The following NUP210L variants were observed in gnomAD, a reference collection of about 807,000 sequenced individuals.
NUP210L encodes nuclear pore membrane glycoprotein 210-like.
NUP210L carries 74 observed loss-of-function variants against 208.5 expected under a neutral mutation model. The observed-to-expected ratio is 0.35, with a 90% CI of 0.29 to 0.43. The LOEUF (loss-of-function observed/expected upper bound fraction) is 0.43, where lower values mean the gene tolerates loss of function less well. Among genes scored for constraint, NUP210L ranks in the 20% least tolerant of loss-of-function variants. The probability of loss-of-function intolerance (pLI) is 1.00; values close to 1 mark genes in which losing one functional copy is unlikely to be tolerated. For missense variants in NUP210L, 1,843 were observed against 2,289.4 expected (o/e 0.81, Z 3.98); for synonymous variants, 780 against 816.9 (o/e 0.95, Z 0.77).
At chr1:153,996,047 T>C (rs947428709) in intron 37 of NUP210L, 32 of 339,714 alleles carry the variant, frequency 9.4e-5, no homozygotes, top group Admixed American at 3.4e-4. Flanking sequence ...AATCCCAGCA[T>C]TTTGGGAGGC....
rs1415591720 is a variant in NUP210L at position 154,118,813 on chromosome 1, A to C, written c.1327-5T>G. 18 of 1,535,222 alleles carry C rather than the reference A, an allele frequency of 1.2e-5. No homozygotes were observed. Among genetic ancestry groups the C allele is most frequent in the Non-Finnish European group, 1.4e-5 (16 of 1,117,470 alleles). On this transcript the variant is annotated splice_region_variant and splice_polypyrimidine_tract_variant and intron_variant, in intron 10 of 39. Transcript: ENST00000368559. ...TATAGGCTGAATATCTTTATTCTATAAGAGCAGGAAAAAAGGAGCAAAATA... is the reference window on the plus strand; with the variant it reads ...TATAGGCTGAATATCTTTATTCTATCAGAGCAGGAAAAAAGGAGCAAAATA...
At chr1:154,089,679 A>C in intron 15 of NUP210L, 85 bp from the exon 16 acceptor site, 1 of 1,126,816 alleles carries the variant, frequency 8.9e-7, no homozygotes, top group Non-Finnish European at 1.3e-6. Flanking sequence ...AGAATTATTC[A>C]AATTCCAGTA....
chr1:154,092,671 G>A (rs1267551562), intron 15 of NUP210L, among the ~76,000 whole-genome samples: 1 of 151,272 alleles, frequency 6.6e-6, no homozygotes, highest in African/African-American at 2.4e-5. Flanking sequence ...ACAGGCATAA[G>A]CCACCACACC....
chr1:154,032,950 G>GAGGAA (rs1553224955), intron 27 of NUP210L, among the ~76,000 whole-genome samples: 4 of 124,468 alleles, frequency 3.2e-5, no homozygotes, highest in Non-Finnish European at 4.9e-5. Context: ...AAGAAAGAAA[G>GAGGAA]AAGAAAAGAA....
chr1:154,134,223 ACC>A (rs1343560135), intron 7 of NUP210L, among the ~76,000 whole-genome samples: 5 of 151,814 alleles, frequency 3.3e-5, no homozygotes. Flanking sequence ...CAATTTGTAT[ACC>A]CAGAGCTTAG....
chr1:154,105,094 C>T (rs1656685187), intron 12 of NUP210L, among the ~76,000 whole-genome samples: 1 of 152,178 alleles, frequency 6.6e-6, no homozygotes, highest in African/African-American at 2.4e-5. Flanking sequence ...GACACTAACT[C>T]CCTGAAAACA....
chr1:153,995,986 A>G, intron 37 of NUP210L: 1 of 397,218 alleles, frequency 2.5e-6, no homozygotes, highest in Non-Finnish European at 4.9e-6. Flanking sequence ...AGTAATAAAA[A>G]TGAGGAGACT....
At chr1:154,133,556 C>A (rs1658363548) in intron 7 of NUP210L, among the ~76,000 whole-genome samples, 1 of 146,870 alleles carries the variant, frequency 6.8e-6, no homozygotes, top group Admixed American at 6.8e-5. Context: ...AAAAAAAAAT[C>A]TGGCTGGGTG....
At chr1:154,005,290 C>T (rs1464533720) in intron 35 of NUP210L, among the ~76,000 whole-genome samples, 3 of 150,500 alleles carry the variant, frequency 2.0e-5, no homozygotes, top group African/African-American at 7.4e-5. Flanking sequence ...GTGGTGTGAT[C>T]TCAGCTCACT....
At chr1:154,070,760 AC>A (rs1571235968) in intron 16 of NUP210L, among the ~76,000 whole-genome samples, 1 of 152,170 alleles carries the variant, frequency 6.6e-6, no homozygotes, top group East Asian at 1.9e-4. Context: ...ATTGCACTTC[AC>A]CCCTAACTAT....
Position 154,133,482 on chromosome 1 carries a change from A to G in NUP210L, c.1009+2332T>C, listed in dbSNP as rs549016126. On this transcript the variant is annotated intron_variant, in intron 7 of 39. Transcript: ENST00000368559. ...GGGAGGATTGCTCAAGGCTACTATG[A>G]GTTATGATCATGCCTCTGCACTCTA... 6.6e-5 allele frequency among the ~76,000 whole-genome samples: 10 copies of G among 150,462 alleles called. No individual in the cohort carries two copies. In the East Asian group the frequency reaches 2.0e-3, roughly 30 times the overall value.
chr1:154,035,033 G>A (rs1055844813), intron 27 of NUP210L, among the ~76,000 whole-genome samples: 2 of 151,774 alleles, frequency 1.3e-5, no homozygotes, highest in African/African-American at 4.8e-5. Flanking sequence ...GTAGAGACGG[G>A]GTTTCACCAT....
intron 34 of NUP210L, among the ~76,000 whole-genome samples, chr1:154,011,169 T>G (rs1650893084): frequency 6.6e-6 from 1 of 151,582 alleles, no homozygotes; most frequent in Admixed American, 6.6e-5. Flanking sequence ...GTAGTGATTT[T>G]AGAAAGATTC....
intron 27 of NUP210L, among the ~76,000 whole-genome samples, chr1:154,045,503 A>T (rs1384436942): frequency 6.6e-6 from 1 of 152,226 alleles, no homozygotes; most frequent in Non-Finnish European, 1.5e-5. Flanking sequence ...ATATTAAAAG[A>T]AAGATCACTT....
intron 16 of NUP210L, among the ~76,000 whole-genome samples, chr1:154,077,551 G>T (rs1169947975): frequency 6.6e-6 from 1 of 152,028 alleles, no homozygotes; most frequent in Non-Finnish European, 1.5e-5. Flanking sequence ...AGTCCTTCAG[G>T]ATGCAATGAA....
intron 17 of NUP210L, among the ~76,000 whole-genome samples, chr1:154,068,855 T>C (rs949971556): frequency 5.3e-5 from 8 of 151,930 alleles, no homozygotes; most frequent in African/African-American, 1.9e-4. Context: ...GGGATAGCAT[T>C]AGGAGATATA....
chr1:154,068,434 C>A (rs1263041144), intron 17 of NUP210L, among the ~76,000 whole-genome samples: 1 of 152,158 alleles, frequency 6.6e-6, no homozygotes, highest in Non-Finnish European at 1.5e-5. Context: ...GTAATCCCAG[C>A]ACTTTGGGAG....
At chr1:154,027,623 T>G in intron 28 of NUP210L, 26 bp from the exon 29 acceptor site, 1 of 1,536,940 alleles carries the variant, frequency 6.5e-7, no homozygotes, top group African/African-American at 1.4e-5. Context: ...GTTTTCCTCA[T>G]TTTTGGCAAA....
At chr1:153,998,054 G>A (rs1649999115) in intron 37 of NUP210L, among the ~76,000 whole-genome samples, 1 of 151,862 alleles carries the variant, frequency 6.6e-6, no homozygotes, top group South Asian at 2.1e-4. Context: ...CTGGCAGTAG[G>A]AACATGAATA....
Sources: allele counts gnomAD v4.1 joint callset (sites outside exome capture counted in the v4.1 genomes callset), GRCh38; gene constraint gnomAD v4.1.1; transcripts MANE v1.5; gene names NCBI Gene and HGNC (gene_info 2026-07-23, HGNC 2026-07-21).